ROBO2: variants seen among roughly 807,000 people sequenced by gnomAD.
The protein encoded by ROBO2 is roundabout homolog 2.
Under a neutral mutation model 160.8 loss-of-function variants are expected in ROBO2, and 53 were observed. The observed-to-expected ratio is 0.33, with a 90% CI of 0.26 to 0.41. ROBO2 has a LOEUF of 0.41. ROBO2 is among the 10% of genes least tolerant of loss of function. The pLI is 1.00. For synonymous variants in ROBO2, 664 were observed against 611.7 expected, an observed-to-expected ratio of 1.09 and a Z score of -1.26; for missense variants, 1,577 against 1,722.4, an observed-to-expected ratio of 0.92 and a Z score of 1.49.
intron 2 of ROBO2, among the ~76,000 whole-genome samples, chr3:76,456,398 A>G (rs921186369): frequency 6.6e-6 from 1 of 152,228 alleles, no homozygotes; most frequent in Middle Eastern, 3.2e-3. Flanking sequence ...TTGAATTATA[A>G]CCACTGTTCT....
intron 2 of ROBO2, among the ~76,000 whole-genome samples, chr3:77,463,935 A>C (rs1347799226): frequency 6.6e-6 from 1 of 152,218 alleles, no homozygotes; most frequent in Non-Finnish European, 1.5e-5. Flanking sequence ...ATTGACAGCC[A>C]TTAAACTCAT....
intron 2 of ROBO2, among the ~76,000 whole-genome samples, chr3:77,034,107 G>T (rs1444454237): frequency 2.0e-5 from 3 of 151,232 alleles, no homozygotes; most frequent in African/African-American, 7.3e-5. Flanking sequence ...ATTCTTTTTT[G>T]CTAAGTGAAA....
At chr3:76,365,290 T>C (rs2075750549) in intron 2 of ROBO2, among the ~76,000 whole-genome samples, 1 of 152,048 alleles carries the variant, frequency 6.6e-6, no homozygotes, top group Admixed American at 6.6e-5. Context: ...TGATAAAAAA[T>C]ACGATTCCTG....
chr3:77,281,449 A>G (rs1293085632), intron 2 of ROBO2, among the ~76,000 whole-genome samples: 1 of 152,036 alleles, frequency 6.6e-6, no homozygotes, highest in East Asian at 1.9e-4. Flanking sequence ...CTGTCTCTAT[A>G]TGAAGACTTC....
intron 2 of ROBO2, among the ~76,000 whole-genome samples, chr3:76,104,154 T>C (rs954604717): frequency 1.3e-5 from 2 of 152,212 alleles, no homozygotes; most frequent in African/African-American, 2.4e-5. Flanking sequence ...ATATACAACT[T>C]CTAGAGACAC....
chr3:76,568,609 T>C (rs942573300), intron 2 of ROBO2, among the ~76,000 whole-genome samples: 3 of 152,062 alleles, frequency 2.0e-5, no homozygotes, highest in East Asian at 1.9e-4. Flanking sequence ...CCTGGCCACA[T>C]TGCTTTTCTT....
chr3:75,969,148 A>T (rs1460955360), intron 2 of ROBO2, among the ~76,000 whole-genome samples: 1 of 148,462 alleles, frequency 6.7e-6, no homozygotes, highest in African/African-American at 2.4e-5. Flanking sequence ...TATAATATTT[A>T]TATTATTATT....
intron 2 of ROBO2, among the ~76,000 whole-genome samples, chr3:75,944,788 GTTTTTC>G (rs1948207666): frequency 6.6e-6 from 1 of 152,110 alleles, no homozygotes; most frequent in African/African-American, 2.4e-5. Flanking sequence ...GGATGCAATT[GTTTTTC>G]TTATGATTAT....
At chr3:77,410,016 T>C (rs2076575866) in intron 2 of ROBO2, among the ~76,000 whole-genome samples, 1 of 152,222 alleles carries the variant, frequency 6.6e-6, no homozygotes, top group South Asian at 2.1e-4. Flanking sequence ...TAATGTTCAC[T>C]TCCTTAATTG....
intron 2 of ROBO2, among the ~76,000 whole-genome samples, chr3:76,597,495 A>C (rs1465567808): frequency 6.6e-6 from 1 of 152,110 alleles, no homozygotes; most frequent in Non-Finnish European, 1.5e-5. Context: ...AAAAATAAGC[A>C]AAGGAAAAGA....
intron 2 of ROBO2, among the ~76,000 whole-genome samples, chr3:77,215,253 A>G (rs1024096564): frequency 5.9e-5 from 9 of 152,046 alleles, no homozygotes; most frequent in Non-Finnish European, 1.2e-4. Context: ...ACATAGTCCC[A>G]TATTTCTTGG....
chr3:77,198,743 A>G (rs745315457), intron 2 of ROBO2, among the ~76,000 whole-genome samples: 1 of 152,124 alleles, frequency 6.6e-6, no homozygotes, highest in African/African-American at 2.4e-5. Context: ...TCTATTAAAG[A>G]TACAAAAAAA....
At chr3:76,748,700 G>C (rs768224929) in intron 2 of ROBO2, among the ~76,000 whole-genome samples, 1 of 151,748 alleles carries the variant, frequency 6.6e-6, no homozygotes, top group Non-Finnish European at 1.5e-5. Context: ...ATCACCCAGC[G>C]TTAATAAGGG....
At chr3:76,478,230 C>T (rs9837859) in intron 2 of ROBO2, among the ~76,000 whole-genome samples, 14,565 of 139,794 alleles carry the variant, frequency 0.1, 804 homozygotes, top group Middle Eastern at 0.15. Context: ...TTCCTGTGTC[C>T]ATGTGTTCTT....
intron 2 of ROBO2, among the ~76,000 whole-genome samples, chr3:76,161,633 C>G (rs1048461726): frequency 3.3e-5 from 5 of 152,110 alleles, no homozygotes; most frequent in South Asian, 2.1e-4. Flanking sequence ...TCTCGGAGAT[C>G]TATTTTATAA....
intron 2 of ROBO2, among the ~76,000 whole-genome samples, chr3:76,212,570 G>C (rs1553678804): frequency 6.6e-6 from 1 of 151,588 alleles, no homozygotes; most frequent in Non-Finnish European, 1.5e-5. Context: ...CTAAATGCTA[G>C]AATAAAAAGT....
chr3:77,017,333 A>C (rs2062333062), intron 2 of ROBO2, among the ~76,000 whole-genome samples: 3 of 152,238 alleles, frequency 2.0e-5, no homozygotes, highest in Admixed American at 2.0e-4. Context: ...CTTCTGTAAA[A>C]GAAAGACAAA....
In ROBO2 at chr3:77,203,618, T is replaced by G. The variant is rs142725719; in HGVS notation, c.388+105278T>G. On this transcript the variant is annotated intron_variant, in intron 2 of 25. Transcript: ENST00000461745. ...TTTTTCAAGAAACCAAATGCCAATT[T>G]ATTATTCACATAGATTTCATTTTTT... Among the ~76,000 whole-genome samples, 155 of 152,356 alleles carry G rather than the reference T, an allele frequency of 1.0e-3. 3 individuals carry two copies. In the East Asian group the frequency reaches 0.022, roughly 22 times the overall value.
chr3:76,668,935 C>T lies in ROBO2; in HGVS notation c.110-429079C>T, dbSNP rs1398950993. 2.0e-5 allele frequency among the ~76,000 whole-genome samples: 3 copies of T among 152,064 alleles called. No homozygotes were observed. In the South Asian group the frequency reaches 6.2e-4, roughly 32 times the overall value. Reference sequence around the variant, plus strand: ...GGAAGAGGATGGCTAAGAGGGCAACCGGAAAATCTGCCATGAAAAATAGAA... The same window carrying T: ...GGAAGAGGATGGCTAAGAGGGCAACTGGAAAATCTGCCATGAAAAATAGAA... On this transcript the variant is annotated intron_variant, in intron 2 of 26. Transcript: ENST00000487694.
Sources: allele counts gnomAD v4.1 joint callset (sites outside exome capture counted in the v4.1 genomes callset), GRCh38; gene constraint gnomAD v4.1.1; transcripts MANE v1.5; gene names NCBI Gene and HGNC (gene_info 2026-07-23, HGNC 2026-07-21).